MSH4: variants seen among roughly 807,000 people sequenced by gnomAD.
The protein encoded by MSH4 is mutS protein homolog 4.
MSH4 carries 106 observed loss-of-function variants against 113.7 expected under a neutral mutation model. The ratio of observed to expected loss-of-function variants is 0.93; its 90% CI spans 0.80 to 1.10. The LOEUF is 1.10. Among genes scored for constraint, MSH4 ranks in the 50% least tolerant of loss-of-function variants. MSH4 has a pLI of 0.00. For synonymous variants in MSH4, 368 were observed against 380.2 expected, an observed-to-expected ratio of 0.97 and a Z score of 0.37; for missense variants, 1,061 against 1,093.7, an observed-to-expected ratio of 0.97 and a Z score of 0.42.
At chr1:75,849,769 C>A (rs1184004757) in intron 8 of MSH4, among the ~76,000 whole-genome samples, 40 of 152,226 alleles carry the variant, frequency 2.6e-4, no homozygotes, top group Non-Finnish European at 1.0e-4. Context: ...GGTATTATTT[C>A]TTCCTTACAT....
intron 7 of MSH4, among the ~76,000 whole-genome samples, chr1:75,828,781 A>G (rs1650614509): frequency 6.6e-6 from 1 of 152,192 alleles, no homozygotes; most frequent in Non-Finnish European, 1.5e-5. Flanking sequence ...AAACCTGCAC[A>G]TGTACCCTGT....
chr1:75,885,051 G>GTATATATATATATATATATATATATA (rs1217705221), intron 15 of MSH4, among the ~76,000 whole-genome samples: 2 of 113,348 alleles, frequency 1.8e-5, no homozygotes, highest in African/African-American at 8.5e-5. Context: ...GTGTGTGTGT[G>GTATATATATATATATATATATATATA]TGTGTGTGTA....
At chr1:75,912,119 T>C (rs1458831680) in intron 19 of MSH4, among the ~76,000 whole-genome samples, 3 of 152,088 alleles carry the variant, frequency 2.0e-5, no homozygotes, top group African/African-American at 7.2e-5. Flanking sequence ...ATTTTTAAAA[T>C]GTAATTTACC....
chr1:75,825,804 G>C (rs975443555), intron 7 of MSH4, among the ~76,000 whole-genome samples: 11 of 152,160 alleles, frequency 7.2e-5, no homozygotes, highest in Non-Finnish European at 1.6e-4. Context: ...TTCCATCCCA[G>C]GGATAAAGCC....
intron 2 of MSH4, among the ~76,000 whole-genome samples, chr1:75,805,104 T>C (rs1208658400): frequency 4.4e-3 from 643 of 144,848 alleles, no homozygotes; most frequent in Middle Eastern, 7.0e-3. Flanking sequence ...GGATTACAGG[T>C]GTGAGCCACC....
chr1:75,857,659 G>A (rs908964714), intron 8 of MSH4, among the ~76,000 whole-genome samples: 1 of 152,054 alleles, frequency 6.6e-6, no homozygotes, highest in Non-Finnish European at 1.5e-5. Flanking sequence ...ATCTGTTTTG[G>A]TACCAGTACC....
intron 1 of MSH4, among the ~76,000 whole-genome samples, chr1:75,798,261 A>G (rs1046344592): frequency 6.6e-6 from 1 of 152,230 alleles, no homozygotes; most frequent in African/African-American, 2.4e-5. Context: ...TGCCTGGCCT[A>G]TGTTTAATGT....
chr1:75,822,322 A>T, intron 6 of MSH4, 87 bp from the exon 7 acceptor site: 11 of 739,578 alleles, frequency 1.5e-5, no homozygotes, highest in Non-Finnish European at 2.2e-5. Context: ...ATTGCTGTAG[A>T]TTATAGGATT....
At chr1:75,818,554 A>G (rs1650337582) in intron 6 of MSH4, among the ~76,000 whole-genome samples, 1 of 152,236 alleles carries the variant, frequency 6.6e-6, no homozygotes, top group Non-Finnish European at 1.5e-5. Context: ...GCTTAGAACA[A>G]TTGTGGGTAC....
At chr1:75,867,382 G>A (rs1269656916) in intron 8 of MSH4, 132 bp from the exon 9 acceptor site, 4 of 590,340 alleles carry the variant, frequency 6.8e-6, no homozygotes, top group Non-Finnish European at 1.2e-5. Flanking sequence ...CATTCTTTAG[G>A]CTTGCATTGC....
At chr1:75,808,433 T>C (rs1325775628) in intron 3 of MSH4, among the ~76,000 whole-genome samples, 5 of 152,248 alleles carry the variant, frequency 3.3e-5, no homozygotes, top group Non-Finnish European at 7.3e-5. Context: ...TAAAGTGGCC[T>C]ATGAAGTGTA....
At chr1:75,819,008 C>T (rs928332753) in intron 6 of MSH4, among the ~76,000 whole-genome samples, 1 of 152,044 alleles carries the variant, frequency 6.6e-6, no homozygotes, top group Admixed American at 6.6e-5. Context: ...CCTCATGATC[C>T]ACCCGCCTCG....
chr1:75,803,785 T>C lies in MSH4; in HGVS notation c.299T>C (p.Phe100Ser). Residue 100 changes from phenylalanine to serine, a missense_variant, in exon 2 of 20, where the codon TTT becomes TCT. Physicochemically the swap from Phe to Ser is radical, Grantham distance 155 (BLOSUM62 -2). Coordinates refer to ENST00000263187, the MANE Select transcript of MSH4 (RefSeq NM_002440.4). ...AYAENTVASN[F>S]TFGASSSSAR... is the part of the protein sequence containing the mutation. ...GCAGAAAACACAGTTGCATCAAATT[T>C]TACTTTTGGTGCAAGCTCATCTTCT... is the stretch of plus-strand genomic sequence containing the variant. 6.2e-7 allele frequency: 1 copy of C among 1,604,368 alleles called. No homozygotes were observed.
chr1:75,840,948 G>T (rs930239393), intron 7 of MSH4, among the ~76,000 whole-genome samples: 120 of 152,156 alleles, frequency 7.9e-4, no homozygotes, highest in African/African-American at 2.8e-3. Flanking sequence ...GATGGGATTT[G>T]CAGGAATAAT....
chr1:75,895,072 TC>T (rs1421875973), intron 17 of MSH4, among the ~76,000 whole-genome samples: 2 of 152,048 alleles, frequency 1.3e-5, no homozygotes, highest in Non-Finnish European at 2.9e-5. Context: ...AGGTCTTAAT[TC>T]CAAAAGGAGT....
rs1385720173 is a variant in MSH4, at chr1:75,883,718, T to C, written c.2004T>C (p.Tyr668=). ...AAAAACCTATTGCCAACAATACCTA[T>C]GTTACAGAAGGGAGTAATTTTTTGA... ...SAEKPIANNT[Y]VTEGSNFLII... The change falls in exon 15 of 20, where the codon TAT becomes TAC. Residue 668 remains tyrosine (Y), a synonymous_variant. Coordinates refer to ENST00000263187, the MANE Select transcript of MSH4 (RefSeq NM_002440.4). 6.2e-7 allele frequency: 1 copy of C among 1,613,398 alleles called. No individual in the cohort carries two copies. The highest frequency in any genetic ancestry group is 2.2e-5 in the East Asian group (1 of 44,764).
intron 9 of MSH4, among the ~76,000 whole-genome samples, chr1:75,868,634 T>C (rs1651641859): frequency 6.6e-6 from 1 of 152,196 alleles, no homozygotes; most frequent in Non-Finnish European, 1.5e-5. Context: ...ATCCCCACAT[T>C]TCAAGGGCGG....
At chr1:75,804,703 G>T (rs1298995359) in intron 2 of MSH4, among the ~76,000 whole-genome samples, 1 of 151,674 alleles carries the variant, frequency 6.6e-6, no homozygotes, top group Non-Finnish European at 1.5e-5. Context: ...TAGAGATGGG[G>T]TTTCACCATA....
Position 75,814,924 on chromosome 1 carries a change from A to G in MSH4, c.700-97A>G, listed in dbSNP as rs923094577. The G allele has an allele frequency of 3.9e-5, 26 of 659,684 alleles. No individual in the cohort carries two copies. In the East Asian group the frequency reaches 7.0e-4, roughly 18 times the overall value. 40.9% of individuals were successfully genotyped at this position (659,684 alleles called of 1,614,324 possible). A position where few individuals can be genotyped will look rare whatever the true frequency, so the allele number is the denominator to read the frequency against. ...ATTTAAATGTTGAAATTTTTATACA[A>G]TATTTAAGCCACTTACCTAGCATGT... On this transcript the variant is annotated intron_variant, in intron 4 of 19. Transcript: ENST00000263187.
Sources: gnomAD v4.1 joint callset for allele counts (sites outside exome capture counted in the v4.1 genomes callset) on GRCh38, gnomAD v4.1.1 for gene constraint, MANE v1.5 for transcripts, NCBI Gene and HGNC (gene_info 2026-07-23, HGNC 2026-07-21) for gene names.